The following RYR3 variants were observed in gnomAD, a reference collection of about 807,000 sequenced individuals.
RYR3 encodes ryanodine receptor 3, also known as brain ryanodine receptor-calcium release channel.
In RYR3, 207 loss-of-function variants were observed where a neutral mutation model predicts 584.3. The observed-to-expected ratio is 0.35, with a 90% CI of 0.32 to 0.40. The LOEUF is 0.40. Ranked by LOEUF, RYR3 falls within the 10% of genes least tolerant of loss-of-function variation. RYR3 has a pLI of 1.00. For synonymous variants in RYR3, 2,416 were observed against 2,248.5 expected (o/e 1.07, Z -2.11); for missense variants, 5,616 against 6,089.2 (o/e 0.92, Z 2.59).
chr15:33,823,056 CT>C lies in RYR3; in HGVS notation c.11058del (p.Met3687CysfsTer9). On this transcript the variant is annotated frameshift_variant, in exon 81 of 104. Transcript: ENST00000634891. LOFTEE classifies it high-confidence loss of function. Reference protein sequence around the residue: ...DAGFFQSLSGLMQSCSVLDLN... With the variant: ...DAGFFQSLSGXMQSCSVLDLN... Reference sequence around the variant, plus strand: ...TGGATTCTTTCAAAGCCTTTCTGGTCTTATGCAGTCTTGCAGGTAAATGCGG... The same window carrying C: ...TGGATTCTTTCAAAGCCTTTCTGGTCTATGCAGTCTTGCAGGTAAATGCGG... 1 of 1,613,228 alleles carries C rather than the reference CT, an allele frequency of 6.2e-7. No homozygotes were observed. The highest frequency in any genetic ancestry group is 8.5e-7 in the Non-Finnish European group (1 of 1,179,508).
intron 1 of RYR3, among the ~76,000 whole-genome samples, chr15:33,355,735 A>T (rs1365423100): frequency 6.6e-6 from 1 of 152,162 alleles, no homozygotes; most frequent in African/African-American, 2.4e-5. Flanking sequence ...CCAGAAGAAG[A>T]TGGCTGCTTC....
chr15:33,384,525 A>G (rs1257496155), intron 1 of RYR3, among the ~76,000 whole-genome samples: 1 of 146,604 alleles, frequency 6.8e-6, no homozygotes, highest in Non-Finnish European at 1.5e-5. Flanking sequence ...ATAATATAAT[A>G]ATATTAATTT....
intron 43 of RYR3, among the ~76,000 whole-genome samples, chr15:33,708,983 G>A (rs893192014): frequency 2.0e-5 from 3 of 152,172 alleles, no homozygotes; most frequent in African/African-American, 7.2e-5. Flanking sequence ...ATCAGAATAA[G>A]TCAGGGTGGA....
intron 78 of RYR3, 30 bp from the exon 79 acceptor site, chr15:33,821,240 A>T (rs369281654): frequency 1.3e-5 from 19 of 1,512,028 alleles, no homozygotes; most frequent in Admixed American, 4.2e-5. Context: ...GTAGGAACCA[A>T]TCTTTCCCTG....
At chr15:33,703,836 CA>C (rs1370287529) in intron 42 of RYR3, among the ~76,000 whole-genome samples, 1 of 152,084 alleles carries the variant, frequency 6.6e-6, no homozygotes, top group African/African-American at 2.4e-5. Flanking sequence ...CAATGGACTT[CA>C]TTGGGTCCCT....
chr15:33,723,821 C>T (rs1346693872), intron 44 of RYR3, among the ~76,000 whole-genome samples: 1 of 152,222 alleles, frequency 6.6e-6, no homozygotes, highest in African/African-American at 2.4e-5. Flanking sequence ...TGATGATCAG[C>T]TCATGTCGGT....
intron 45 of RYR3, 129 bp from the exon 46 acceptor site, chr15:33,726,257 T>C (rs1032169237): frequency 1.0e-6 from 1 of 969,604 alleles, no homozygotes; most frequent in Non-Finnish European, 1.5e-6. Context: ...CAAGTGTCTG[T>C]AGCAATTAGG....
At chr15:33,434,700 T>C (rs1483668969) in intron 1 of RYR3, among the ~76,000 whole-genome samples, 1 of 152,230 alleles carries the variant, frequency 6.6e-6, no homozygotes, top group Non-Finnish European at 1.5e-5. Flanking sequence ...TCCCCAGTTG[T>C]ATTTCTCTCT....
rs35423415 is a variant in RYR3, at chr15:33,409,347, T to TAA, written c.52-64059_52-64058dup. Among the ~76,000 whole-genome samples, 722 of 141,792 alleles carry TAA rather than the reference T, an allele frequency of 5.1e-3. 5 individuals are homozygous for TAA. Among genetic ancestry groups the TAA allele is most frequent in the Non-Finnish European group, 6.4e-3 (417 of 65,170 alleles). The allele number at this position is 141,792 out of a possible 152,430, so 93.0% of individuals were successfully genotyped here. Reference sequence around the variant, plus strand: ...AAATAAACTTGAGTTTCAAAAAATCTAAAAAAAAAAAAAAGAAAAAAGGCC... The same window carrying TAA: ...AAATAAACTTGAGTTTCAAAAAATCTAAAAAAAAAAAAAAAAGAAAAAAGGCC... On this transcript the variant is annotated intron_variant, in intron 1 of 103. Coordinates refer to ENST00000634891, the MANE Select transcript of RYR3 (RefSeq NM_001036.6).
At chr15:33,670,643 A>G in intron 38 of RYR3, 87 bp downstream of exon 38, 1 of 1,328,468 alleles carries the variant, frequency 7.5e-7, no homozygotes, top group Non-Finnish European at 1.0e-6. Flanking sequence ...TAAGATAGAT[A>G]GGGGCTGCTT....
chr15:33,827,766 C>A (rs2152967191), intron 85 of RYR3, among the ~76,000 whole-genome samples: 1 of 152,258 alleles, frequency 6.6e-6, no homozygotes, highest in South Asian at 2.1e-4. Context: ...TTTTTTTCCT[C>A]TTTGCTGATT....
chr15:33,722,071 C>T (rs909601070), intron 43 of RYR3, among the ~76,000 whole-genome samples: 7 of 152,150 alleles, frequency 4.6e-5, no homozygotes, highest in East Asian at 1.9e-4. Context: ...ACAAACCTGG[C>T]TGTCCTAGGT....
chr15:33,527,911 G>A (rs1203030140), intron 3 of RYR3, among the ~76,000 whole-genome samples: 6 of 152,144 alleles, frequency 3.9e-5, no homozygotes, highest in Non-Finnish European at 7.3e-5. Flanking sequence ...ACTGGCAGGC[G>A]CAAGGTGCTG....
At chr15:33,394,936 T>A (rs2042211403) in intron 1 of RYR3, among the ~76,000 whole-genome samples, 1 of 150,520 alleles carries the variant, frequency 6.6e-6, no homozygotes, top group South Asian at 2.2e-4. Context: ...TGAGGAGTTT[T>A]AAAAAATGCT....
chr15:33,471,726 A>G (rs183841994), intron 1 of RYR3, among the ~76,000 whole-genome samples: 29 of 151,646 alleles, frequency 1.9e-4, no homozygotes, highest in Middle Eastern at 3.4e-3. Flanking sequence ...GGTGGGGGAG[A>G]CACATAACTA....
intron 38 of RYR3, among the ~76,000 whole-genome samples, chr15:33,693,102 T>C (rs1245329831): frequency 6.6e-6 from 1 of 152,214 alleles, no homozygotes; most frequent in Admixed American, 6.5e-5. Flanking sequence ...AGCCAAGGTA[T>C]AGGTTTTAGA....
chr15:33,617,601 C>T (rs7163538), intron 19 of RYR3, among the ~76,000 whole-genome samples: 26,105 of 151,996 alleles, frequency 0.17, 2,404 homozygotes, highest in East Asian at 0.23. Context: ...TTTTAACTTC[C>T]GTATGGCTTC....
chr15:33,357,026 C>T (rs940242599), intron 1 of RYR3, among the ~76,000 whole-genome samples: 1 of 152,080 alleles, frequency 6.6e-6, no homozygotes, highest in Non-Finnish European at 1.5e-5. Context: ...TGGAAGGTGT[C>T]GTGTCCCATC....
At chr15:33,800,701 A>G (rs2075870945) in intron 67 of RYR3, 69 bp from the exon 68 acceptor site, 1 of 1,130,404 alleles carries the variant, frequency 8.8e-7, no homozygotes, top group African/African-American at 1.5e-5. Context: ...TGCTGGTATA[A>G]TTTTTAGAGT....
Sources: allele counts gnomAD v4.1 joint callset (sites outside exome capture counted in the v4.1 genomes callset), GRCh38; gene constraint gnomAD v4.1.1; transcripts MANE v1.5; gene names NCBI Gene and HGNC (gene_info 2026-07-23, HGNC 2026-07-21).